RAC2: variants seen among roughly 807,000 people sequenced by gnomAD.
RAC2 encodes ras-related C3 botulinum toxin substrate 2.
Under a neutral mutation model 24.0 loss-of-function variants are expected in RAC2, and 1 was observed. The observed-to-expected ratio is 0.04, with a 90% confidence interval of 0.01 to 0.20. The LOEUF is 0.20. Among genes scored for constraint, RAC2 ranks in the 10% least tolerant of loss-of-function variants. The probability of loss-of-function intolerance (pLI) is 1.00; values close to 1 mark genes in which losing one functional copy is unlikely to be tolerated. For missense variants in RAC2, 130 were observed against 259.1 expected, an observed-to-expected ratio of 0.50 and a Z score of 3.42; for synonymous variants, 114 against 106.8, an observed-to-expected ratio of 1.07 and a Z score of -0.41.
At chr22:37,233,606 T>G (rs1927141037) in intron 2 of RAC2, among the ~76,000 whole-genome samples, 1 of 152,198 alleles carries the variant, frequency 6.6e-6, no homozygotes, top group Non-Finnish European at 1.5e-5. Flanking sequence ...GAATGAATGT[T>G]CATCCCGTCT....
intron 2 of RAC2, among the ~76,000 whole-genome samples, chr22:37,235,099 C>A (rs189552987): frequency 3.9e-5 from 6 of 152,168 alleles, no homozygotes; most frequent in African/African-American, 1.2e-4. Flanking sequence ...AATTAAACCA[C>A]CTCCTCCAGG....
Position 37,231,578 on chromosome 22 carries a change from G to C in RAC2, c.289-188C>G, listed in dbSNP as rs1927064035. On this transcript the variant is annotated intron_variant, in intron 4 of 6. Transcript: ENST00000249071. The surrounding 1 kb of genome is among the most constrained non-coding windows in gnomAD (Gnocchi z 5.5). ...CACAGGGAGGGGAGGCCACGACGTT[G>C]TGCAGGAAGGAGGGGGCGCATGATT... 1 of 620,822 alleles carries C rather than the reference G, an allele frequency of 1.6e-6. No individual in the cohort carries two copies. Among genetic ancestry groups the C allele is most frequent in the Non-Finnish European group, 2.8e-6 (1 of 351,814 alleles). 38.5% of individuals were successfully genotyped at this position (620,822 alleles called of 1,614,324 possible). A position where few individuals can be genotyped will look rare whatever the true frequency, so the allele number is the denominator to read the frequency against.
rs892658974 is a variant in RAC2 at position 37,237,185 on chromosome 22, CAGGAAGGA to C, written c.108-4275_108-4268del. Among the ~76,000 whole-genome samples, 4 of 125,530 alleles carry C rather than the reference CAGGAAGGA, an allele frequency of 3.2e-5. No individual in the cohort carries two copies. In the East Asian group the frequency reaches 7.4e-4, roughly 23 times the overall value. The allele number at this position is 125,530 out of a possible 152,430, so 82.4% of individuals were successfully genotyped here. On this transcript the variant is annotated intron_variant, in intron 2 of 6. Coordinates refer to ENST00000249071, the MANE Select transcript of RAC2 (RefSeq NM_002872.5). The stretch of plus-strand genomic sequence containing the variant: ...GCCTGGTGACACAGCGAGACTCCGT[CAGGAAGGA>C]AGGAAGGAAGGGAGGAAGGGAGGGA...
Position 37,244,227 on chromosome 22 carries a change from C to T in RAC2, c.-79G>A, listed in dbSNP as rs1321278803. ...TCTGCGGGCGCAAGGGGTGTGGAGG[C>T]TGGTGAGGCGCCTGCTGAGGAGCAG... On this transcript the variant is annotated 5_prime_UTR_variant, in exon 1 of 7. Coordinates refer to ENST00000249071, the MANE Select transcript of RAC2 (RefSeq NM_002872.5). The T allele has an allele frequency of 2.0e-6, 3 of 1,536,378 alleles. No individual in the cohort carries two copies. Among genetic ancestry groups the T allele is most frequent in the Admixed American group, 3.6e-5 (2 of 55,698 alleles).
At chr22:37,232,759 A>T in intron 3 of RAC2, 42 bp downstream of exon 3, 1 of 1,526,350 alleles carries the variant, frequency 6.6e-7, no homozygotes. Flanking sequence ...GGGAACAGAG[A>T]CAGCAAAGGT....
intron 2 of RAC2, among the ~76,000 whole-genome samples, chr22:37,240,135 G>T (rs890233070): frequency 6.6e-6 from 1 of 152,186 alleles, no homozygotes; most frequent in Non-Finnish European, 1.5e-5. Context: ...AGCAGAGAGA[G>T]CCCAGCCCAC....
chr22:37,241,704 G>T, intron 1 of RAC2, 46 bp from the exon 2 acceptor site: 1 of 1,542,448 alleles, frequency 6.5e-7, no homozygotes, highest in Non-Finnish European at 9.0e-7. Context: ...GGGCTCTGCC[G>T]GAGACGTGGG....
chr22:37,244,210 C>G lies in RAC2; in HGVS notation c.-62G>C, dbSNP rs371820797. The G allele has an allele frequency of 6.3e-7, 1 of 1,598,148 alleles. No individual in the cohort carries two copies. Among genetic ancestry groups the G allele is most frequent in the Non-Finnish European group, 8.5e-7 (1 of 1,170,950 alleles). On this transcript the variant is annotated 5_prime_UTR_variant, in exon 1 of 7. Coordinates refer to ENST00000249071, the MANE Select transcript of RAC2 (RefSeq NM_002872.5). ...TCAGGGCCAGGCGCGTTTCTGCGGG[C>G]GCAAGGGGTGTGGAGGCTGGTGAGG...
At chr22:37,239,016 C>T (rs1352826293) in intron 2 of RAC2, among the ~76,000 whole-genome samples, 1 of 152,190 alleles carries the variant, frequency 6.6e-6, no homozygotes, top group Non-Finnish European at 1.5e-5. Context: ...GCTCTCTCCA[C>T]CTTAATCTCA....
intron 5 of RAC2, among the ~76,000 whole-genome samples, chr22:37,227,703 C>T (rs571441218): frequency 6.8e-6 from 1 of 147,300 alleles, no homozygotes; most frequent in African/African-American, 2.5e-5. Flanking sequence ...GCCGTACACC[C>T]CCTCCCAAGC....
chr22:37,237,691 G>C (rs944700302), intron 2 of RAC2, among the ~76,000 whole-genome samples: 1 of 152,132 alleles, frequency 6.6e-6, no homozygotes, highest in Admixed American at 6.5e-5. Flanking sequence ...CTTCCATGCA[G>C]AGCTGAGCCC....
At chr22:37,228,855 G>A (rs572911444) in intron 5 of RAC2, among the ~76,000 whole-genome samples, 2 of 152,320 alleles carry the variant, frequency 1.3e-5, no homozygotes, top group South Asian at 2.1e-4. Flanking sequence ...CTCGCTCTGA[G>A]TCACATGCTG....
At chr22:37,241,684 C>G in intron 1 of RAC2, 26 bp from the exon 2 acceptor site, 1 of 1,603,918 alleles carries the variant, frequency 6.2e-7, no homozygotes, top group East Asian at 2.2e-5. Flanking sequence ...TGCAAGAGGG[C>G]GGCGGTCATG....
chr22:37,240,313 C>T (rs961495411), intron 2 of RAC2, among the ~76,000 whole-genome samples: 2 of 152,236 alleles, frequency 1.3e-5, no homozygotes, highest in Non-Finnish European at 2.9e-5. Flanking sequence ...AGGGCCCCCG[C>T]GAGGTTCTGC....
chr22:37,232,142 C>A, intron 3 of RAC2, 148 bp from the exon 4 acceptor site: 1 of 793,630 alleles, frequency 1.3e-6, no homozygotes, highest in Non-Finnish European at 2.1e-6. Flanking sequence ...AGCAGAGATA[C>A]CCTTCTCGCC....
In RAC2 at chr22:37,231,238, C is replaced by G; in HGVS notation, c.441G>C (p.Lys147Asn). Residue 147 changes from lysine to asparagine, a missense_variant, in exon 5 of 7, where the codon AAG (lysine) becomes AAC (asparagine). Lys to Asn is a moderately conservative substitution (Grantham distance 94, BLOSUM62 0). Transcript: ENST00000249071. This position sits in a 1 kb window ranked among gnomAD's most constrained non-coding sequence, Gnocchi z 5.5. ...ITYPQGLALA[K>N]EIDSVKYLEC... ...TGAGCCCGAGGCCCATACCAATCTC[C>G]TTGGCCAGTGCCAGGCCCTGCGGGT... The G allele has an allele frequency of 6.2e-7, 1 of 1,613,468 alleles. No individual in the cohort carries two copies. Among genetic ancestry groups the G allele is most frequent in the Non-Finnish European group, 8.5e-7 (1 of 1,180,020 alleles).
chr22:37,232,015 G>T (rs1569089812), intron 3 of RAC2, 21 bp from the exon 4 acceptor site: 7 of 1,551,264 alleles, frequency 4.5e-6, no homozygotes, highest in East Asian at 2.4e-5. Flanking sequence ...AGCAAGCGAG[G>T]TTGCTAGTGA....
At chr22:37,237,909 G>A (rs1382338083) in intron 2 of RAC2, among the ~76,000 whole-genome samples, 4 of 151,984 alleles carry the variant, frequency 2.6e-5, no homozygotes, top group African/African-American at 9.7e-5. Context: ...GCCAAGCAGG[G>A]TGGTGGGATG....
At chr22:37,241,169 G>A (rs760197517) in intron 2 of RAC2, 8 of 778,406 alleles carry the variant, frequency 1.0e-5, no homozygotes, top group South Asian at 6.7e-5. Context: ...TCCCAGGCCT[G>A]CAGACAGCTC....
Sources: gnomAD v4.1 joint callset for allele counts (sites outside exome capture counted in the v4.1 genomes callset) on GRCh38, gnomAD v4.1.1 for gene constraint, Gnocchi (gnomAD v3.1) non-coding constraint, MANE v1.5 for transcripts, NCBI Gene and HGNC (gene_info 2026-07-23, HGNC 2026-07-21) for gene names.